The following AOAH variants were observed in gnomAD, a reference collection of about 807,000 sequenced individuals.
AOAH encodes acyloxyacyl hydrolase.
Under a neutral mutation model 92.2 loss-of-function variants are expected in AOAH, and 64 were observed. The ratio of observed to expected loss-of-function variants is 0.69; its 90% CI spans 0.57 to 0.86. AOAH has a LOEUF of 0.86. Ranked by LOEUF, AOAH falls within the 40% of genes least tolerant of loss-of-function variation. The probability of loss-of-function intolerance (pLI) is 0.00; values close to 1 mark genes in which losing one functional copy is unlikely to be tolerated. For synonymous variants in AOAH, 263 were observed against 254.5 expected, an observed-to-expected ratio of 1.03 and a Z score of -0.32; for missense variants, 656 against 694.6, an observed-to-expected ratio of 0.94 and a Z score of 0.62.
chr7:36,600,613 C>A (rs1264778721), intron 11 of AOAH, among the ~76,000 whole-genome samples: 1 of 151,986 alleles, frequency 6.6e-6, no homozygotes, highest in Non-Finnish European at 1.5e-5. Flanking sequence ...GATTTGAGCC[C>A]AGGTTCTGGT....
intron 12 of AOAH, among the ~76,000 whole-genome samples, chr7:36,587,776 A>G (rs1265987322): frequency 6.6e-6 from 1 of 152,218 alleles, no homozygotes; most frequent in African/African-American, 2.4e-5. Flanking sequence ...TGATTTTCAA[A>G]CAATACTGTC....
intron 1 of AOAH, among the ~76,000 whole-genome samples, chr7:36,722,947 A>AG (rs1799736780): frequency 6.8e-6 from 1 of 147,890 alleles, no homozygotes; most frequent in South Asian, 2.1e-4. Context: ...AAAAAAAAAA[A>AG]AAAAAAAAAA....
chr7:36,659,846 T>C (rs958598941), intron 3 of AOAH, among the ~76,000 whole-genome samples: 4 of 148,102 alleles, frequency 2.7e-5, no homozygotes, highest in African/African-American at 7.5e-5. Flanking sequence ...GACCTGCACA[T>C]ATCCGTCTAG....
chr7:36,645,597 A>G (rs960862104), intron 4 of AOAH, among the ~76,000 whole-genome samples: 1 of 152,146 alleles, frequency 6.6e-6, no homozygotes, highest in Non-Finnish European at 1.5e-5. Flanking sequence ...TGAAATTTGC[A>G]GGTCTGTTAT....
intron 12 of AOAH, among the ~76,000 whole-genome samples, chr7:36,578,563 A>T (rs976424681): frequency 6.6e-6 from 1 of 152,176 alleles, no homozygotes; most frequent in Non-Finnish European, 1.5e-5. Flanking sequence ...TAGGCAACTA[A>T]TTCCAGCCTT....
At chr7:36,707,905 G>A (rs1310342860) in intron 1 of AOAH, among the ~76,000 whole-genome samples, 1 of 151,766 alleles carries the variant, frequency 6.6e-6, no homozygotes, top group East Asian at 1.9e-4. Context: ...AGGCTCAAGA[G>A]ATCCTCCCAC....
chr7:36,703,072 C>A (rs1798128223), intron 1 of AOAH, among the ~76,000 whole-genome samples: 1 of 152,150 alleles, frequency 6.6e-6, no homozygotes, highest in African/African-American at 2.4e-5. Flanking sequence ...AGAAGCAATT[C>A]CTCATCCATT....
At chr7:36,701,999 T>C (rs529555292) in intron 1 of AOAH, among the ~76,000 whole-genome samples, 1 of 152,256 alleles carries the variant, frequency 6.6e-6, no homozygotes, top group South Asian at 2.1e-4. Context: ...TCATAATGTA[T>C]TTTAAGTTAG....
chr7:36,622,843 T>A (rs1425145391), intron 7 of AOAH, among the ~76,000 whole-genome samples: 1 of 152,146 alleles, frequency 6.6e-6, no homozygotes, highest in Non-Finnish European at 1.5e-5. Context: ...GTCAGGAGTT[T>A]GAGACCAGCC....
chr7:36,532,813 C>T (rs534451833), intron 16 of AOAH, among the ~76,000 whole-genome samples: 17 of 152,062 alleles, frequency 1.1e-4, no homozygotes, highest in East Asian at 1.9e-4. Flanking sequence ...CAGGTCTGAC[C>T]GAATTATCCC....
intron 4 of AOAH, among the ~76,000 whole-genome samples, chr7:36,644,675 TAGAA>T (rs879521049): frequency 2.9e-4 from 44 of 152,286 alleles, no homozygotes; most frequent in Admixed American, 2.9e-3. Context: ...CTGGTACACT[TAGAA>T]AGGAAAGAAA....
chr7:36,584,429 G>A (rs1789157326), intron 12 of AOAH, among the ~76,000 whole-genome samples: 1 of 152,100 alleles, frequency 6.6e-6, no homozygotes, highest in African/African-American at 2.4e-5. Flanking sequence ...GATTAATCTG[G>A]GTTGCAAAAT....
At chr7:36,720,181 G>A (rs1010498833) in intron 1 of AOAH, among the ~76,000 whole-genome samples, 1 of 151,130 alleles carries the variant, frequency 6.6e-6, no homozygotes, top group South Asian at 2.1e-4. Context: ...ATGGAGTCTC[G>A]CTCTGTCGCC....
chr7:36,600,316 A>G (rs1336481634), intron 11 of AOAH, among the ~76,000 whole-genome samples: 3 of 152,194 alleles, frequency 2.0e-5, no homozygotes, highest in Non-Finnish European at 4.4e-5. Context: ...ACCTCAGACA[A>G]ACAGCAGCAA....
intron 4 of AOAH, among the ~76,000 whole-genome samples, chr7:36,640,589 G>A (rs1013715248): frequency 1.3e-5 from 2 of 152,138 alleles, no homozygotes; most frequent in African/African-American, 4.8e-5. Flanking sequence ...TGGACCCAGG[G>A]TTGTCTGCAG....
chr7:36,681,792 C>G (rs1235200091), intron 2 of AOAH, among the ~76,000 whole-genome samples: 1 of 152,142 alleles, frequency 6.6e-6, no homozygotes, highest in Non-Finnish European at 1.5e-5. Context: ...CAGAGCAAGA[C>G]TCTGTCTCCA....
At chr7:36,533,779 C>G (rs1784842797) in intron 16 of AOAH, among the ~76,000 whole-genome samples, 2 of 152,124 alleles carry the variant, frequency 1.3e-5, no homozygotes, top group South Asian at 2.1e-4. Context: ...TCCTTCTCCA[C>G]TCCCCACCCT....
chr7:36,686,586 T>C (rs1380973824), intron 2 of AOAH, 113 bp downstream of exon 2: 3 of 535,586 alleles, frequency 5.6e-6, no homozygotes, highest in Middle Eastern at 2.9e-4. Flanking sequence ...CCCACAGAAA[T>C]AGCATAATCA....
At chr7:36,563,542 G>T (rs907994137) in intron 13 of AOAH, among the ~76,000 whole-genome samples, 1 of 152,070 alleles carries the variant, frequency 6.6e-6, no homozygotes, top group African/African-American at 2.4e-5. Context: ...CTCTGTCCAG[G>T]TTTTACAGCT....
Sources: gnomAD v4.1 joint callset for allele counts (sites outside exome capture counted in the v4.1 genomes callset) on GRCh38, gnomAD v4.1.1 for gene constraint, MANE v1.5 for transcripts, NCBI Gene and HGNC (gene_info 2026-07-23, HGNC 2026-07-21) for gene names.